Variants in BICC1 observed in about 807,000 individuals in gnomAD.
The protein encoded by BICC1 is BicC family RNA binding protein 1, also known as protein bicaudal C homolog 1.
A neutral mutation model predicts 111.0 loss-of-function variants in BICC1; 43 were observed. The observed-to-expected ratio is 0.39, with a 90% CI of 0.30 to 0.50. The LOEUF is 0.50. Ranked by LOEUF, BICC1 falls within the 20% of genes least tolerant of loss-of-function variation. The probability of loss-of-function intolerance (pLI) is 0.88; values close to 1 mark genes in which losing one functional copy is unlikely to be tolerated. For synonymous variants in BICC1, 467 were observed against 434.4 expected, an observed-to-expected ratio of 1.07 and a Z score of -0.93; for missense variants, 1,091 against 1,203.2, an observed-to-expected ratio of 0.91 and a Z score of 1.38.
chr10:58,697,819 A>T (rs533677880), intron 2 of BICC1, among the ~76,000 whole-genome samples: 27 of 151,376 alleles, frequency 1.8e-4, no homozygotes, highest in South Asian at 1.5e-3. Flanking sequence ...CCTGCAGGAG[A>T]TGTGCTTGTC....
intron 1 of BICC1, among the ~76,000 whole-genome samples, chr10:58,600,574 G>A (rs1844993654): frequency 6.6e-6 from 1 of 152,076 alleles, no homozygotes; most frequent in African/African-American, 2.4e-5. Flanking sequence ...TTAGATATAT[G>A]AGTGAATACA....
chr10:58,604,458 A>G (rs1206370796), intron 1 of BICC1, among the ~76,000 whole-genome samples: 1 of 152,138 alleles, frequency 6.6e-6, no homozygotes, highest in African/African-American at 2.4e-5. Context: ...TCACGAGGTC[A>G]GGAGATCAAG....
intron 2 of BICC1, among the ~76,000 whole-genome samples, chr10:58,626,818 T>C (rs1214472805): frequency 6.6e-6 from 1 of 152,206 alleles, no homozygotes; most frequent in African/African-American, 2.4e-5. Flanking sequence ...AAATGTATGT[T>C]TAATGGCCAG....
chr10:58,516,084 G>A (rs1333851276), intron 1 of BICC1, among the ~76,000 whole-genome samples: 2 of 152,144 alleles, frequency 1.3e-5, no homozygotes, highest in African/African-American at 4.8e-5. Context: ...TTTGAAAAGT[G>A]CCAAGTAAGT....
At chr10:58,759,972 A>C (rs995142764) in intron 3 of BICC1, among the ~76,000 whole-genome samples, 1 of 151,838 alleles carries the variant, frequency 6.6e-6, no homozygotes, top group African/African-American at 2.4e-5. Flanking sequence ...GAAAAAGAAA[A>C]AAAAAAAAAA....
chr10:58,648,307 A>G (rs1437158574), intron 2 of BICC1, among the ~76,000 whole-genome samples: 1 of 152,154 alleles, frequency 6.6e-6, no homozygotes, highest in East Asian at 1.9e-4. Context: ...GTGTTCTCAT[A>G]TGTAACAGAT....
rs77024428 is a variant in BICC1, at chr10:58,805,914, T to C, written c.2182-670T>C. Among the ~76,000 whole-genome samples, 353 of 152,330 alleles carry C rather than the reference T, an allele frequency of 2.3e-3. 1 individual carries two copies. The highest frequency in any genetic ancestry group is 7.9e-3 in the African/African-American group (330 of 41,582). On this transcript the variant is annotated intron_variant, in intron 15 of 20. Transcript: ENST00000373886. ...GATCTATCTTAGTCCTCACATACACTTGACTACATCGTAGTTACTCATTCA... is the reference window on the plus strand; with the variant it reads ...GATCTATCTTAGTCCTCACATACACCTGACTACATCGTAGTTACTCATTCA...
chr10:58,705,549 C>T (rs1173129794), intron 3 of BICC1, among the ~76,000 whole-genome samples: 3 of 152,092 alleles, frequency 2.0e-5, no homozygotes, highest in Non-Finnish European at 2.9e-5. Context: ...ACTTTTCTTT[C>T]TTACCTTTCA....
chr10:58,600,651 G>C (rs576109100), intron 1 of BICC1, among the ~76,000 whole-genome samples: 110 of 151,964 alleles, frequency 7.2e-4, no homozygotes, highest in Non-Finnish European at 1.2e-3. Flanking sequence ...CTTATGTGTG[G>C]ATTTTCTTGC....
intron 1 of BICC1, among the ~76,000 whole-genome samples, chr10:58,573,184 C>G (rs1353964578): frequency 6.6e-6 from 1 of 152,098 alleles, no homozygotes; most frequent in Non-Finnish European, 1.5e-5. Context: ...ATAGGACTAT[C>G]TTAGTGGTTA....
At chr10:58,739,128 G>A (rs894674541) in intron 3 of BICC1, among the ~76,000 whole-genome samples, 25 of 152,116 alleles carry the variant, frequency 1.6e-4, no homozygotes, top group Admixed American at 3.9e-4. Flanking sequence ...TATGTTGAAT[G>A]GGAGTGGTGA....
Position 58,789,777 on chromosome 10 carries a change from C to T in BICC1, c.891C>T (p.Leu297=). The T allele has an allele frequency of 6.2e-7, 1 of 1,614,146 alleles. No individual in the cohort carries two copies. The highest frequency in any genetic ancestry group is 8.5e-7 in the Non-Finnish European group (1 of 1,180,018). ...TQLDIAAQHH[L]FMMGRNGSNI... ...TAGATATTGCAGCTCAACATCATCT[C>T]TTTATGATGGGTCGAAATGGGAGCA... Residue 297 remains leucine, a synonymous_variant, in exon 8 of 21, where the codon CTC becomes CTT. Transcript: ENST00000373886.
At chr10:58,745,612 C>CCT (rs60012261) in intron 3 of BICC1, among the ~76,000 whole-genome samples, 1 of 133,828 alleles carries the variant, frequency 7.5e-6, no homozygotes, top group Non-Finnish European at 1.6e-5. Context: ...GCCCCCCCCC[C>CCT]ACATTTTTTT....
intron 1 of BICC1, among the ~76,000 whole-genome samples, chr10:58,521,973 T>C (rs955666390): frequency 1.3e-5 from 2 of 151,790 alleles, no homozygotes; most frequent in Middle Eastern, 3.4e-3. Context: ...GGTGAAATCA[T>C]TGAAGTTAAG....
At chr10:58,541,879 G>T (rs1564478910) in intron 1 of BICC1, among the ~76,000 whole-genome samples, 1 of 151,966 alleles carries the variant, frequency 6.6e-6, no homozygotes, top group Non-Finnish European at 1.5e-5. Flanking sequence ...GCCCAGTGTG[G>T]TGGCTCACAC....
intron 3 of BICC1, among the ~76,000 whole-genome samples, chr10:58,755,347 C>T (rs1842115853): frequency 6.6e-6 from 1 of 152,182 alleles, no homozygotes; most frequent in Admixed American, 6.5e-5. Flanking sequence ...CTTCCATGGT[C>T]CCAAAGTCAG....
At chr10:58,690,033 A>T (rs1254587716) in intron 2 of BICC1, among the ~76,000 whole-genome samples, 2 of 152,200 alleles carry the variant, frequency 1.3e-5, no homozygotes, top group Non-Finnish European at 2.9e-5. Context: ...CACCATAAAC[A>T]TATTGTTTAC....
chr10:58,589,050 C>T (rs954955585), intron 1 of BICC1, among the ~76,000 whole-genome samples: 1 of 152,210 alleles, frequency 6.6e-6, no homozygotes, highest in African/African-American at 2.4e-5. Flanking sequence ...GAACCTCTCT[C>T]ACAGTGGATG....
At chr10:58,675,620 A>G (rs560819855) in intron 2 of BICC1, among the ~76,000 whole-genome samples, 1 of 152,306 alleles carries the variant, frequency 6.6e-6, no homozygotes, top group South Asian at 2.1e-4. Flanking sequence ...GGTGGAGGAA[A>G]CGGTGAAATT....
Sources: allele counts gnomAD v4.1 joint callset (sites outside exome capture counted in the v4.1 genomes callset), GRCh38; gene constraint gnomAD v4.1.1; transcripts MANE v1.5; gene names NCBI Gene and HGNC (gene_info 2026-07-23, HGNC 2026-07-21).